Variants in LAMP2 observed in about 807,000 individuals in gnomAD.
LAMP2 encodes lysosome-associated membrane glycoprotein 2.
LAMP2 carries 4 observed loss-of-function variants against 25.6 expected under a neutral mutation model. The ratio of observed to expected loss-of-function variants is 0.16; its 90% CI spans 0.08 to 0.36. LAMP2 has a LOEUF of 0.36. Among genes scored for constraint, LAMP2 ranks in the 10% least tolerant of loss-of-function variants. LAMP2 has a pLI of 1.00. For missense variants in LAMP2, 272 were observed against 301.4 expected (o/e 0.90, Z 0.72); for synonymous variants, 108 against 112.7 (o/e 0.96, Z 0.27).
chrX:120,440,596 T>C (rs1020786709), intron 8 of LAMP2, among the ~76,000 whole-genome samples: 1 of 112,115 alleles, frequency 8.9e-6, no homozygotes, highest in Non-Finnish European at 1.9e-5. Flanking sequence ...TCATCTCTAT[T>C]ACAGGTGACT....
chrX:120,445,298 G>A (rs993886457), intron 6 of LAMP2, among the ~76,000 whole-genome samples: 2 of 112,148 alleles, frequency 1.8e-5, no homozygotes, highest in Non-Finnish European at 3.8e-5. Context: ...CTGGAAAAAG[G>A]AACATTTTTG....
At chrX:120,454,934 G>GAT (rs397842673) in intron 3 of LAMP2, among the ~76,000 whole-genome samples, 4,082 of 81,546 alleles carry the variant, frequency 0.05, 130 homozygotes, top group African/African-American at 0.1. Flanking sequence ...CACACACTAG[G>GAT]ATATATATAT....
intron 6 of LAMP2, among the ~76,000 whole-genome samples, chrX:120,445,649 T>C (rs1259580628): frequency 4.5e-5 from 5 of 112,202 alleles, no homozygotes; most frequent in Non-Finnish European, 9.4e-5. Context: ...ATGGGAATAA[T>C]AGTTGCTTCT....
In LAMP2 at chrX:120,454,898, G is replaced by GATAT. The variant is rs139348113; in HGVS notation, c.397+455_397+458dup. On this transcript the variant is annotated intron_variant, in intron 3 of 8. Coordinates refer to ENST00000200639, the MANE Select transcript of LAMP2 (RefSeq NM_002294.3). ...CTAGGTGTGTTACTGTATACTAGGA[G>GATAT]ATATATATATATATATACACACACA... 2.4e-3 allele frequency among the ~76,000 whole-genome samples: 212 copies of GATAT among 87,367 alleles called. 1 individual carries two copies. The highest frequency in any genetic ancestry group is 3.3e-3 in the Non-Finnish European group (153 of 45,719). 75.9% of individuals were successfully genotyped at this position (87,367 alleles called of 115,157 possible).
intron 1 of LAMP2, among the ~76,000 whole-genome samples, chrX:120,464,760 T>C (rs1197906330): frequency 8.9e-6 from 1 of 111,772 alleles, no homozygotes; most frequent in African/African-American, 3.3e-5. Context: ...TTTTGTTTTG[T>C]TTTGTTTTGA....
At chrX:120,457,864 C>T (rs986574630) in intron 1 of LAMP2, among the ~76,000 whole-genome samples, 5 of 112,227 alleles carry the variant, frequency 4.5e-5, no homozygotes, top group African/African-American at 9.7e-5. Context: ...CAGGTACAGA[C>T]TTGCTATAGA....
At chrX:120,438,196 A>T (rs769422834) in intron 8 of LAMP2, 20 of 751,054 alleles carry the variant, frequency 2.7e-5, no homozygotes, top group Admixed American at 8.7e-5. Context: ...GCACTTCGTT[A>T]TCTAGGTTCT....
Position 120,447,696 on chromosome X carries a change from C to A in LAMP2, c.741+145G>T. Reference sequence around the variant, plus strand: ...CTGCACTCCAGCCTGGGGGACAGAGCGTGACTCCATCTCAAAAAAACAAAC... The same window carrying A: ...CTGCACTCCAGCCTGGGGGACAGAGAGTGACTCCATCTCAAAAAAACAAAC... On this transcript the variant is annotated intron_variant, in intron 5 of 8. Transcript: ENST00000200639. The A allele has an allele frequency of 5.7e-6, 3 of 523,891 alleles. 1 individual carries two copies. Among genetic ancestry groups the A allele is most frequent in the South Asian group, 5.8e-5 (2 of 34,540 alleles). 43.2% of individuals were successfully genotyped at this position (523,891 alleles called of 1,213,427 possible). A position where few individuals can be genotyped will look rare whatever the true frequency, so the allele number is the denominator to read the frequency against.
intron 1 of LAMP2, among the ~76,000 whole-genome samples, chrX:120,468,089 A>T (rs1921618647): frequency 1.8e-5 from 2 of 111,806 alleles, no homozygotes; most frequent in African/African-American, 6.5e-5. Flanking sequence ...AGGCCCTGGT[A>T]ACAACCCAAT....
At position 120,429,500 on chromosome X, in the gene LAMP2, T is replaced by A. The variant is rs940985042; in HGVS notation, c.*1823A>T. ...TCAAGAGGTCAACAAGTATTCATTCTCTTCTCTTTTCCTCTTATGCTCATG... is the reference window on the plus strand; with the variant it reads ...TCAAGAGGTCAACAAGTATTCATTCACTTCTCTTTTCCTCTTATGCTCATG... On this transcript the variant is annotated 3_prime_UTR_variant, in exon 9 of 9. Transcript: ENST00000200639. 17 of 730,982 alleles carry A rather than the reference T, an allele frequency of 2.3e-5. No individual in the cohort carries two copies. Among genetic ancestry groups the A allele is most frequent in the Non-Finnish European group, 2.7e-5 (17 of 619,805 alleles). The allele number at this position is 730,982 out of a possible 1,213,427, so 60.2% of individuals were successfully genotyped here.
chrX:120,434,293 G>A, intron 8 of LAMP2, among the ~76,000 whole-genome samples: 1 of 112,097 alleles, frequency 8.9e-6, no homozygotes, highest in Middle Eastern at 4.6e-3. Context: ...CTGCCAATAA[G>A]GCTTTCATGT....
chrX:120,446,142 C>T (rs919764424), intron 6 of LAMP2, among the ~76,000 whole-genome samples, 163 bp downstream of exon 6: 3 of 111,038 alleles, frequency 2.7e-5, no homozygotes, highest in Non-Finnish European at 5.7e-5. Context: ...GACCATTGCA[C>T]AGACTCTGAG....
At chrX:120,436,170 A>ACACACACACACACACACACTCTCT (rs1251901451) in intron 8 of LAMP2, among the ~76,000 whole-genome samples, 3 of 57,307 alleles carry the variant, frequency 5.2e-5, no homozygotes, top group African/African-American at 1.5e-4. Flanking sequence ...ACACACACAC[A>ACACACACACACACACACACTCTCT]CTCTCTCTCT....
rs1921042918 is a variant in LAMP2, at chrX:120,455,396, T to C, written c.358A>G (p.Thr120Ala). The change falls in exon 3 of 9, where the codon ACT (threonine) becomes GCT (alanine). Residue 120 changes from threonine to alanine, a missense_variant. By Grantham distance (58) the Thr-to-Ala change is moderately conservative. Coordinates refer to ENST00000200639, the MANE Select transcript of LAMP2 (RefSeq NM_002294.3). ...SIDSVSFSYN[T>A]GDNTTFPDAE... ...TCAGGAAATGTTGTGTTATCACCAG[T>C]GTTGTAGGAAAATGAGACGCTGTCA... The C allele has an allele frequency of 8.3e-7, 1 of 1,209,153 alleles. No homozygotes were observed. The highest frequency in any genetic ancestry group is 1.1e-6 in the Non-Finnish European group (1 of 893,575).
chrX:120,433,048 A>G (rs1443441615), intron 8 of LAMP2, among the ~76,000 whole-genome samples: 1 of 112,066 alleles, frequency 8.9e-6, no homozygotes, highest in Non-Finnish European at 1.9e-5. Context: ...AGGATCAGAG[A>G]CAAAAACCCT....
chrX:120,437,425 A>C (rs1183009658), intron 8 of LAMP2: 2 of 713,333 alleles, frequency 2.8e-6, no homozygotes, highest in East Asian at 3.2e-4. Context: ...AAAAAAAAAA[A>C]ACACGAAAAA....
rs943667258 is a variant in LAMP2 at position 120,427,621 on chromosome X, A to G, written c.*3702T>C. 8.9e-5 allele frequency among the ~76,000 whole-genome samples: 10 copies of G among 112,065 alleles called. No individual in the cohort carries two copies. Among genetic ancestry groups the G allele is most frequent in the Non-Finnish European group, 1.7e-4 (9 of 53,193 alleles). ...ATTCACATAGGGAATGGGAGAGTGCAGGAGGCACACAAACAAAGTATATAG... is the reference window on the plus strand; with the variant it reads ...ATTCACATAGGGAATGGGAGAGTGCGGGAGGCACACAAACAAAGTATATAG... On this transcript the variant is annotated 3_prime_UTR_variant, in exon 9 of 9. Coordinates refer to ENST00000200639, the MANE Select transcript of LAMP2 (RefSeq NM_002294.3).
rs12557182 is a variant in LAMP2, at chrX:120,463,058, A to C, written c.64+6048T>G. ...CTCTTGTCCTCAAACTCATGAATTT[A>C]GAATGATGTTGAGCAAAAGGTCTTT... On this transcript the variant is annotated intron_variant, in intron 1 of 8. Transcript: ENST00000200639. Among the ~76,000 whole-genome samples, 1,040 of 112,356 alleles carry C rather than the reference A, an allele frequency of 9.3e-3. 15 individuals are homozygous for C. Among genetic ancestry groups the C allele is most frequent in the Admixed American group, 0.05 (525 of 10,562 alleles).
chrX:120,468,046 A>C (rs897647676), intron 1 of LAMP2, among the ~76,000 whole-genome samples: 2 of 111,508 alleles, frequency 1.8e-5, no homozygotes, highest in Admixed American at 1.9e-4. Flanking sequence ...TACAGGCATG[A>C]GCCACCACGC....
Sources: allele counts gnomAD v4.1 joint callset (sites outside exome capture counted in the v4.1 genomes callset), GRCh38; gene constraint gnomAD v4.1.1; transcripts MANE v1.5; gene names NCBI Gene and HGNC (gene_info 2026-07-23, HGNC 2026-07-21).